Variants in GPC5 observed in about 807,000 individuals in gnomAD.
The protein encoded by GPC5 is glypican 5.
A neutral mutation model predicts 53.9 loss-of-function variants in GPC5; 47 were observed. That is an observed-to-expected ratio of 0.87 (90% CI 0.69 to 1.11). The LOEUF (loss-of-function observed/expected upper bound fraction) is 1.11. Among genes scored for constraint, GPC5 ranks in the 50% most tolerant of loss-of-function variants. GPC5 has a pLI of 0.00. For missense variants in GPC5, 748 were observed against 713.1 expected (o/e 1.05, Z -0.56); for synonymous variants, 286 against 263.3 (o/e 1.09, Z -0.84).
chr13:92,492,481 T>C (rs2138914422), intron 7 of GPC5, among the ~76,000 whole-genome samples: 1 of 151,506 alleles, frequency 6.6e-6, no homozygotes, highest in Middle Eastern at 3.4e-3. Context: ...ACCCTAGAAC[T>C]TAAAGTATAA....
chr13:91,561,792 A>T (rs2031276366), intron 2 of GPC5, among the ~76,000 whole-genome samples: 1 of 152,018 alleles, frequency 6.6e-6, no homozygotes, highest in South Asian at 2.1e-4. Flanking sequence ...CAATGTGGTC[A>T]CTCTAGTGCT....
chr13:91,638,941 GA>G (rs912031771), intron 2 of GPC5, among the ~76,000 whole-genome samples: 1 of 152,006 alleles, frequency 6.6e-6, no homozygotes, highest in African/African-American at 2.4e-5. Flanking sequence ...TTTCTTACTT[GA>G]AAAATACAAA....
chr13:92,265,176 G>A (rs1244047198), intron 7 of GPC5, among the ~76,000 whole-genome samples: 1 of 151,864 alleles, frequency 6.6e-6, no homozygotes, highest in South Asian at 2.1e-4. Context: ...CATACCCTTA[G>A]TATTCTCTCA....
At chr13:91,506,098 G>A (rs1032827021) in intron 2 of GPC5, among the ~76,000 whole-genome samples, 1 of 152,040 alleles carries the variant, frequency 6.6e-6, no homozygotes, top group Non-Finnish European at 1.5e-5. Context: ...GATCAGAGAA[G>A]CCAATTACTT....
chr13:92,016,956 G>A (rs1015015572), intron 6 of GPC5, among the ~76,000 whole-genome samples: 1 of 151,998 alleles, frequency 6.6e-6, no homozygotes, highest in Non-Finnish European at 1.5e-5. Flanking sequence ...ATTACCTCTG[G>A]ACAATGGTGA....
At chr13:91,660,210 C>T (rs1373166942) in intron 2 of GPC5, among the ~76,000 whole-genome samples, 1 of 152,190 alleles carries the variant, frequency 6.6e-6, no homozygotes, top group Non-Finnish European at 1.5e-5. Context: ...GGGCTGATTG[C>T]TACAGAGGCT....
chr13:92,573,228 T>C (rs1198505767), intron 7 of GPC5, among the ~76,000 whole-genome samples: 1 of 152,178 alleles, frequency 6.6e-6, no homozygotes, highest in Non-Finnish European at 1.5e-5. Flanking sequence ...AAAATGTATG[T>C]GTCAGTTTCC....
At chr13:91,596,143 T>C (rs1254804431) in intron 2 of GPC5, among the ~76,000 whole-genome samples, 1 of 152,218 alleles carries the variant, frequency 6.6e-6, no homozygotes, top group Non-Finnish European at 1.5e-5. Context: ...GAAATATTTT[T>C]GATATTTCAT....
chr13:92,409,223 C>T (rs1875938100), intron 7 of GPC5, among the ~76,000 whole-genome samples: 1 of 151,582 alleles, frequency 6.6e-6, no homozygotes, highest in African/African-American at 2.4e-5. Flanking sequence ...AACGAAACCC[C>T]AGAAGGCAAT....
At chr13:92,535,907 A>G (rs1455529386) in intron 7 of GPC5, among the ~76,000 whole-genome samples, 1 of 152,202 alleles carries the variant, frequency 6.6e-6, no homozygotes, top group Admixed American at 6.5e-5. Flanking sequence ...ATTGATAATC[A>G]TGATTATCTT....
chr13:91,623,438 G>A (rs2033916195), intron 2 of GPC5, among the ~76,000 whole-genome samples: 2 of 152,042 alleles, frequency 1.3e-5, no homozygotes, highest in Admixed American at 1.3e-4. Flanking sequence ...GGATTCCTGG[G>A]GGAGAGGAGG....
At chr13:91,908,939 T>C (rs2039582597) in intron 6 of GPC5, among the ~76,000 whole-genome samples, 1 of 152,136 alleles carries the variant, frequency 6.6e-6, no homozygotes, top group African/African-American at 2.4e-5. Flanking sequence ...CAAGAGTCAG[T>C]AGTAGACTTC....
At chr13:92,101,715 C>T (rs1332776788) in intron 6 of GPC5, among the ~76,000 whole-genome samples, 1 of 152,208 alleles carries the variant, frequency 6.6e-6, no homozygotes, top group Non-Finnish European at 1.5e-5. Flanking sequence ...GATGCCCTTG[C>T]TCCTAGGGGA....
At chr13:92,480,555 CAT>C (rs1879309211) in intron 7 of GPC5, among the ~76,000 whole-genome samples, 1 of 152,128 alleles carries the variant, frequency 6.6e-6, no homozygotes, top group African/African-American at 2.4e-5. Flanking sequence ...TGGCAAGACA[CAT>C]GTTAGAATTT....
At chr13:92,457,721 G>C (rs1878325630) in intron 7 of GPC5, among the ~76,000 whole-genome samples, 2 of 151,710 alleles carry the variant, frequency 1.3e-5, no homozygotes, top group African/African-American at 4.8e-5. Context: ...ATGCAAAATG[G>C]CTTAATGTTT....
chr13:91,712,943 C>T (rs1467694446), intron 3 of GPC5, among the ~76,000 whole-genome samples: 1 of 152,124 alleles, frequency 6.6e-6, no homozygotes, highest in Non-Finnish European at 1.5e-5. Flanking sequence ...GTAATCCCAG[C>T]ACTTTGGGAG....
At chr13:92,708,417 A>G (rs1197919678) in intron 7 of GPC5, among the ~76,000 whole-genome samples, 1 of 152,168 alleles carries the variant, frequency 6.6e-6, no homozygotes, top group Non-Finnish European at 1.5e-5. Context: ...ATAGAGTAAC[A>G]ACTGTACTAG....
chr13:92,007,955 C>T (rs1007866932), intron 6 of GPC5, among the ~76,000 whole-genome samples: 1 of 152,068 alleles, frequency 6.6e-6, no homozygotes, highest in Non-Finnish European at 1.5e-5. Flanking sequence ...GGTGATTGTT[C>T]CCATAGCATT....
intron 7 of GPC5, among the ~76,000 whole-genome samples, chr13:92,460,980 C>T (rs976404864): frequency 6.6e-6 from 1 of 151,936 alleles, no homozygotes; most frequent in African/African-American, 2.4e-5. Flanking sequence ...CTGAGTGAAG[C>T]TTGAAGATGT....
Sources: allele counts gnomAD v4.1 joint callset (sites outside exome capture counted in the v4.1 genomes callset), GRCh38; gene constraint gnomAD v4.1.1; transcripts MANE v1.5; gene names NCBI Gene and HGNC (gene_info 2026-07-23, HGNC 2026-07-21).